Variants in CMTR2 observed in about 807,000 individuals in gnomAD.
CMTR2 encodes cap-specific mRNA (nucleoside-2'-O-)-methyltransferase 2.
In CMTR2, 40 loss-of-function variants were observed where a neutral mutation model predicts 49.8. The ratio of observed to expected loss-of-function variants is 0.80; its 90% CI spans 0.62 to 1.04. The LOEUF (loss-of-function observed/expected upper bound fraction) is 1.04. Among genes scored for constraint, CMTR2 ranks in the 50% least tolerant of loss-of-function variants. The pLI, the probability that CMTR2 is intolerant of heterozygous loss-of-function variation, is 0.00. For missense variants in CMTR2, 907 were observed against 897.2 expected (o/e 1.01, Z -0.14); for synonymous variants, 326 against 315.8 (o/e 1.03, Z -0.34).
In CMTR2 at chr16:71,283,798, AATTC is replaced by A; in HGVS notation, c.2119_2122del (p.Glu707CysfsTer2). 1 of 1,614,008 alleles carries A rather than the reference AATTC, an allele frequency of 6.2e-7. No homozygotes were observed. Among genetic ancestry groups the A allele is most frequent in the Admixed American group, 1.7e-5 (1 of 59,998 alleles). ...GTCAGAGTTGAGCAAAGTGCTCAAC[AATTC>A]ATTCACACTCTGCAAATATCGGAAA... is the stretch of plus-strand genomic sequence containing the variant. On this transcript the variant is annotated frameshift_variant, in exon 3 of 3. Transcript: ENST00000434935. LOFTEE classifies it high-confidence loss of function.
At position 71,283,561 on chromosome 16, in the gene CMTR2, G is replaced by T; in HGVS notation, c.*47C>A. On this transcript the variant is annotated 3_prime_UTR_variant, in exon 3 of 3. Transcript: ENST00000434935. ...AATAGAGCAACAGGATGCAAATACT[G>T]GGCAAATTATAAGAAATCATAAAGT... The T allele has an allele frequency of 6.4e-7, 1 of 1,550,432 alleles. No homozygotes were observed. Among genetic ancestry groups the T allele is most frequent in the South Asian group, 1.3e-5 (1 of 78,872 alleles).
intron 2 of CMTR2, chr16:71,286,718 T>A (rs2041733324): frequency 6.6e-6 from 1 of 151,984 alleles, no homozygotes. Flanking sequence ...AGTGACCAAC[T>A]GTTTACCCGG....
Position 71,283,470 on chromosome 16 carries a change from C to T in CMTR2, c.*138G>A. ...CTAGAGATCAGAATGGATGGTTTTC[C>T]AGAATTAATGAGACTTTGAATGATG... On this transcript the variant is annotated 3_prime_UTR_variant, in exon 3 of 3. Coordinates refer to ENST00000434935, the MANE Select transcript of CMTR2 (RefSeq NM_018348.6). 1 of 1,063,126 alleles carries T rather than the reference C, an allele frequency of 9.4e-7. No homozygotes were observed. Among genetic ancestry groups the T allele is most frequent in the Non-Finnish European group, 1.3e-6 (1 of 749,678 alleles). The allele number at this position is 1,063,126 out of a possible 1,614,324, so 65.9% of individuals were successfully genotyped here. A position where few individuals can be genotyped will look rare whatever the true frequency, so the allele number is the denominator to read the frequency against.
Position 71,284,022 on chromosome 16 carries a change from T to C in CMTR2, c.1899A>G (p.Ser633=). 2 of 1,613,988 alleles carry C rather than the reference T, an allele frequency of 1.2e-6. No individual in the cohort carries two copies. The highest frequency in any genetic ancestry group is 1.7e-6 in the Non-Finnish European group (2 of 1,179,864). The part of the protein sequence containing the change: ...QRLFLDCLLH[S]LRELHTGDVM... Reference sequence around the variant, plus strand: ...CATCTCCTGTATGAAGCTCCCGCAATGAATGTAGAAGGCAGTCCAAAAATA... The same window carrying C: ...CATCTCCTGTATGAAGCTCCCGCAACGAATGTAGAAGGCAGTCCAAAAATA... Residue 633 remains serine, a synonymous_variant, in exon 3 of 3, where the codon TCA becomes TCG. Coordinates refer to ENST00000434935, the MANE Select transcript of CMTR2 (RefSeq NM_018348.6).
intron 2 of CMTR2, chr16:71,287,440 T>G (rs1014640805): frequency 3.3e-5 from 5 of 152,120 alleles, no homozygotes; most frequent in African/African-American, 4.8e-5. Flanking sequence ...AAAAAAAAGT[T>G]TTTTTTTGAG....
chr16:71,289,054 T>G (rs1180618488), intron 1 of CMTR2, 82 bp downstream of exon 1: 2 of 152,356 alleles, frequency 1.3e-5, no homozygotes, highest in Non-Finnish European at 2.9e-5. Context: ...GTCCCTGACC[T>G]GGAGGAAACT....
In CMTR2 at chr16:71,285,470, T is replaced by G. The variant is rs139727137; in HGVS notation, c.451A>C (p.Ile151Leu). 1.2e-6 allele frequency: 2 copies of G among 1,614,140 alleles called. No individual in the cohort carries two copies. The highest frequency in any genetic ancestry group is 3.3e-5 in the Admixed American group (2 of 60,028). The change falls in exon 3 of 3, where the codon ATA becomes CTA. Residue 151 changes from isoleucine (I) to leucine (L), a missense_variant. Physicochemically the swap from Ile to Leu is conservative, Grantham distance 5 (BLOSUM62 2). Transcript: ENST00000434935. ...TTTAAGTAGTGGTTGAGACTAGCTA[T>G]AAAAGCTCCTGGAGCTTCACAAAGG... ...LHLCEAPGAF[I>L]ASLNHYLKSH...
chr16:71,284,474 C>T lies in CMTR2; in HGVS notation c.1447G>A (p.Glu483Lys). The change falls in exon 3 of 3, where the codon GAA (glutamate) becomes AAA (lysine). Residue 483 changes from glutamate to lysine, a missense_variant. Coordinates refer to ENST00000434935, the MANE Select transcript of CMTR2 (RefSeq NM_018348.6). ...CACTCAAGATTGGAAGCTGTTCCTT[C>T]TAAAATAGAACTCTGCCCAGGATGA... Reference protein sequence around the residue: ...VYHPGQSSILEGTASNLECHL... With the variant: ...VYHPGQSSILKGTASNLECHL... 2 of 1,613,982 alleles carry T rather than the reference C, an allele frequency of 1.2e-6. No homozygotes were observed. Among genetic ancestry groups the T allele is most frequent in the Non-Finnish European group, 1.7e-6 (2 of 1,179,958 alleles).
Position 71,283,680 on chromosome 16 carries a change from A to C in CMTR2, c.2241T>G (p.Ala747=), listed in dbSNP as rs1374930340. 1 of 1,613,832 alleles carries C rather than the reference A, an allele frequency of 6.2e-7. No homozygotes were observed. Among genetic ancestry groups the C allele is most frequent in the Non-Finnish European group, 8.5e-7 (1 of 1,179,794 alleles). ...GAATAATGAAATGCAAATGCCTTTTAGCAATGGCAGCATTCAAATCCCACA... is the reference window on the plus strand; with the variant it reads ...GAATAATGAAATGCAAATGCCTTTTCGCAATGGCAGCATTCAAATCCCACA... The part of the protein sequence containing the change: ...DFLWDLNAAI[A]KRHLHFIIQR... The change falls in exon 3 of 3, where the codon GCT becomes GCG. Residue 747 remains alanine, a synonymous_variant. Coordinates refer to ENST00000434935, the MANE Select transcript of CMTR2 (RefSeq NM_018348.6).
At position 71,283,996 on chromosome 16, in the gene CMTR2, A is replaced by G. The variant is rs1307443344; in HGVS notation, c.1925T>C (p.Val642Ala). 6.2e-7 allele frequency: 1 copy of G among 1,613,972 alleles called. No homozygotes were observed. The highest frequency in any genetic ancestry group is 8.5e-7 in the Non-Finnish European group (1 of 1,179,854). ...HSLRELHTGD[V>A]MILPVLSCFT... ...GCAAGAAAGTACAGGCAAAATCATA[A>G]CATCTCCTGTATGAAGCTCCCGCAA... The change falls in exon 3 of 3, where the codon GTT becomes GCT. Residue 642 changes from valine to alanine, a missense_variant. Transcript: ENST00000434935.
At chr16:71,286,149 C>T (rs1264188051) in intron 2 of CMTR2, among the ~76,000 whole-genome samples, 1 of 151,596 alleles carries the variant, frequency 6.6e-6, no homozygotes, top group Non-Finnish European at 1.5e-5. Flanking sequence ...CTAATTATGG[C>T]TTAATAAGCA....
At position 71,285,227 on chromosome 16, in the gene CMTR2, C is replaced by T. The variant is rs2041698015; in HGVS notation, c.694G>A (p.Val232Ile). 6.2e-7 allele frequency: 1 copy of T among 1,613,622 alleles called. No homozygotes were observed. The highest frequency in any genetic ancestry group is 8.5e-7 in the Non-Finnish European group (1 of 1,179,534). Residue 232 changes from valine to isoleucine, a missense_variant, in exon 3 of 3, where the codon GTC becomes ATC. Physicochemically the swap from Val to Ile is conservative, Grantham distance 29. Coordinates refer to ENST00000434935, the MANE Select transcript of CMTR2 (RefSeq NM_018348.6). ...FISSMATVHLVTADGSFDCQG... is the reference protein window; with the variant it reads ...FISSMATVHLITADGSFDCQG... The stretch of plus-strand genomic sequence containing the variant: ...CAATCAAAACTCCCATCTGCAGTGA[C>T]CAAGTGAACAGTAGCCATGCTGCTT...
At chr16:71,289,011 G>C (rs2041783152) in intron 1 of CMTR2, 74 bp from the exon 2 acceptor site, 1 of 152,202 alleles carries the variant, frequency 6.6e-6, no homozygotes, top group Non-Finnish European at 1.5e-5. Flanking sequence ...TTCATCTAGT[G>C]AAGTAAGTCC....
At chr16:71,288,495 G>A (rs1489989024) in intron 2 of CMTR2, 1 of 152,116 alleles carries the variant, frequency 6.6e-6, no homozygotes, top group South Asian at 2.1e-4. Context: ...CCAAGAAGTT[G>A]GACATTGCCT....
rs1400482583 is a variant in CMTR2, at chr16:71,283,830, T to C, written c.2091A>G (p.Pro697=). 1.9e-6 allele frequency: 3 copies of C among 1,613,834 alleles called. No homozygotes were observed. In the Admixed American group the frequency reaches 5.0e-5, roughly 27 times the overall value. ...TCACACTCTGCAAATATCGGAAAAC[T>C]GGATTTGGAAGGTCCTGATAACCAA... is the stretch of plus-strand genomic sequence containing the variant. ...LCVGYQDLPN[P]VFRYLQSVNE... is the part of the protein sequence containing the mutation. The change falls in exon 3 of 3, where the codon CCA becomes CCG. Residue 697 remains proline, a synonymous_variant. Transcript: ENST00000434935.
At position 71,285,560 on chromosome 16, in the gene CMTR2, T is replaced by C. The variant is rs747607931; in HGVS notation, c.361A>G (p.Ile121Val). ...GGAATAAGTGGAAAGCTGCACAAAA[T>C]CTCATGGAACTTACACCATGCTTGA... ...CTQAWCKFHE[I>V]LCSFPLIPQE... The change falls in exon 3 of 3, where the codon ATT becomes GTT. Residue 121 changes from isoleucine to valine, a missense_variant. Transcript: ENST00000434935. 10 of 1,613,844 alleles carry C rather than the reference T, an allele frequency of 6.2e-6. No individual in the cohort carries two copies. Among genetic ancestry groups the C allele is most frequent in the Non-Finnish European group, 8.5e-6 (10 of 1,179,952 alleles).
Position 71,284,933 on chromosome 16 carries a change from A to C in CMTR2, c.988T>G (p.Leu330Val). Residue 330 changes from leucine to valine, a missense_variant, in exon 3 of 3, where the codon TTA becomes GTA. Leu to Val is a conservative substitution (Grantham distance 32). Transcript: ENST00000434935. ...YKGREAIHPL[L>V]SKMTLNFGTE... ...CCAAAATTCAAGGTCATCTTAGATA[A>C]CAGAGGATGGATGGCCTCTCTCCCC... 2 of 1,614,178 alleles carry C rather than the reference A, an allele frequency of 1.2e-6. No individual in the cohort carries two copies. The highest frequency in any genetic ancestry group is 1.7e-6 in the Non-Finnish European group (2 of 1,180,000).
Position 71,284,076 on chromosome 16 carries a change from A to C in CMTR2, c.1845T>G (p.Leu615=), listed in dbSNP as rs2041664973. 1 of 1,613,960 alleles carries C rather than the reference A, an allele frequency of 6.2e-7. No homozygotes were observed. Among genetic ancestry groups the C allele is most frequent in the East Asian group, 2.2e-5 (1 of 44,896 alleles). The part of the protein sequence containing the change: ...AELTTFSCSL[L]HDGDPTYQRL... ...GCTGGTAAGTTGGATCTCCATCATG[A>C]AGCAATGAACAGCTAAAAGTTGTGA... Residue 615 remains leucine (L), a synonymous_variant, in exon 3 of 3, where the codon CTT becomes CTG. Coordinates refer to ENST00000434935, the MANE Select transcript of CMTR2 (RefSeq NM_018348.6).
Position 71,284,528 on chromosome 16 carries a change from T to TA in CMTR2, c.1392dup (p.Asn465Ter), listed in dbSNP as rs1218909951. 1.2e-6 allele frequency: 2 copies of TA among 1,613,832 alleles called. No individual in the cohort carries two copies. The highest frequency in any genetic ancestry group is 8.5e-7 in the Non-Finnish European group (1 of 1,179,930). On this transcript the variant is annotated frameshift_variant, in exon 3 of 3. Transcript: ENST00000434935. LOFTEE classifies it high-confidence loss of function. ...ACACCATGTTCTTCAGCCCAACTAT[T>TA]AAAGTATCCTTTGGCTACTTTATCT... is the stretch of plus-strand genomic sequence containing the variant.
Sources: allele counts gnomAD v4.1 joint callset (sites outside exome capture counted in the v4.1 genomes callset), GRCh38; gene constraint gnomAD v4.1.1; transcripts MANE v1.5; gene names NCBI Gene and HGNC (gene_info 2026-07-23, HGNC 2026-07-21).